Variants in PARD3B observed in about 807,000 individuals in gnomAD.
PARD3B encodes the protein par-3 family cell polarity regulator beta.
In PARD3B, 103 loss-of-function variants were observed where a neutral mutation model predicts 130.2. That is an observed-to-expected ratio of 0.79 (90% confidence interval 0.67 to 0.93). The LOEUF is 0.93. Ranked by LOEUF, PARD3B falls within the 40% of genes least tolerant of loss-of-function variation. The probability of loss-of-function intolerance (pLI) is 0.00; values close to 1 mark genes in which losing one functional copy is unlikely to be tolerated. For synonymous variants in PARD3B, 583 were observed against 553.2 expected (o/e 1.05, Z -0.76); for missense variants, 1,609 against 1,499.2 (o/e 1.07, Z -1.21).
intron 21 of PARD3B, among the ~76,000 whole-genome samples, chr2:205,506,266 G>A (rs1278810668): frequency 2.0e-5 from 3 of 152,162 alleles, no homozygotes; most frequent in Non-Finnish European, 4.4e-5. Context: ...CCGGGAGGCG[G>A]AAGTTGCAGT....
At chr2:204,883,406 T>TATATATATATAATATATATATATATAAA (rs1362093154) in intron 2 of PARD3B, among the ~76,000 whole-genome samples, 89 of 101,688 alleles carry the variant, frequency 8.8e-4, no homozygotes, top group Non-Finnish European at 1.4e-3. Context: ...ATATATATAT[T>TATATATATATAATATATATATATATAAA]ATATATATAT....
chr2:205,277,080 G>A (rs62171468), intron 16 of PARD3B, among the ~76,000 whole-genome samples: 12,608 of 152,232 alleles, frequency 0.083, 572 homozygotes, highest in South Asian at 0.12. Flanking sequence ...ATTAAGGAGA[G>A]GCAACCTTCT....
chr2:204,682,979 A>T (rs1457738600), intron 1 of PARD3B, among the ~76,000 whole-genome samples: 8 of 152,136 alleles, frequency 5.3e-5, no homozygotes, highest in Admixed American at 5.2e-4. Context: ...ATTTGGAACC[A>T]TTTTTACATT....
intron 1 of PARD3B, among the ~76,000 whole-genome samples, chr2:204,657,803 A>T (rs1267265158): frequency 1.3e-5 from 2 of 152,200 alleles, no homozygotes; most frequent in South Asian, 2.1e-4. Context: ...TCTCCATTAC[A>T]TTATTTTAAT....
chr2:204,550,787 G>A (rs570221153), intron 1 of PARD3B, among the ~76,000 whole-genome samples: 11 of 152,256 alleles, frequency 7.2e-5, no homozygotes, highest in Non-Finnish European at 4.4e-5. Context: ...CTGTGGGATC[G>A]GAATCTAAGA....
At chr2:205,032,395 A>G (rs1467608593) in intron 3 of PARD3B, among the ~76,000 whole-genome samples, 1 of 152,150 alleles carries the variant, frequency 6.6e-6, no homozygotes, top group Non-Finnish European at 1.5e-5. Flanking sequence ...CATCATGAAC[A>G]GAGTGCGACT....
At chr2:205,536,221 T>A (rs2051849772) in intron 21 of PARD3B, among the ~76,000 whole-genome samples, 1 of 151,714 alleles carries the variant, frequency 6.6e-6, no homozygotes, top group South Asian at 2.1e-4. Flanking sequence ...AGCTGAGTTG[T>A]GTGCTATTGG....
At chr2:204,975,369 G>A (rs751683172) in intron 3 of PARD3B, among the ~76,000 whole-genome samples, 6 of 152,132 alleles carry the variant, frequency 3.9e-5, no homozygotes, top group Non-Finnish European at 8.8e-5. Context: ...TACCAACAAT[G>A]TCCGCTACTC....
In PARD3B at chr2:205,147,857, C is replaced by T. The variant is rs898572227; in HGVS notation, c.1435-10865C>T. On this transcript the variant is annotated intron_variant, in intron 10 of 22. Transcript: ENST00000406610. Reference sequence around the variant, plus strand: ...GAAACTCTTCTCTTATTTATTGCAACGTTAACTTACATTTTTCCTTTCTTT... The same window carrying T: ...GAAACTCTTCTCTTATTTATTGCAATGTTAACTTACATTTTTCCTTTCTTT... Among the ~76,000 whole-genome samples, 26 of 152,172 alleles carry T rather than the reference C, an allele frequency of 1.7e-4. No individual in the cohort carries two copies. In the East Asian group the frequency reaches 2.3e-3, roughly 14 times the overall value.
chr2:204,918,503 G>A (rs1195816879), intron 2 of PARD3B, among the ~76,000 whole-genome samples: 4 of 150,796 alleles, frequency 2.7e-5, no homozygotes, highest in African/African-American at 9.7e-5. Flanking sequence ...AGTGGCGGGC[G>A]CCTGTAGTCC....
chr2:205,033,670 A>G (rs1222696850), intron 3 of PARD3B, among the ~76,000 whole-genome samples: 1 of 152,198 alleles, frequency 6.6e-6, no homozygotes, highest in Non-Finnish European at 1.5e-5. Context: ...ATTATCTTAT[A>G]TATCTTCTGC....
chr2:205,420,835 G>T (rs2046942628), intron 19 of PARD3B, among the ~76,000 whole-genome samples: 1 of 152,140 alleles, frequency 6.6e-6, no homozygotes, highest in South Asian at 2.1e-4. Flanking sequence ...TCATTTTCAA[G>T]TTTTGCCTTA....
At chr2:204,575,759 A>C (rs1574486328) in intron 1 of PARD3B, among the ~76,000 whole-genome samples, 1 of 152,130 alleles carries the variant, frequency 6.6e-6, no homozygotes, top group South Asian at 2.1e-4. Context: ...TGCTTGGTTG[A>C]TTTAACACTT....
intron 2 of PARD3B, among the ~76,000 whole-genome samples, chr2:204,730,138 A>T (rs1229972265): frequency 6.6e-6 from 1 of 151,964 alleles, no homozygotes; most frequent in Non-Finnish European, 1.5e-5. Flanking sequence ...GCAATGGCAC[A>T]ATCTTGGCTC....
At chr2:204,736,252 T>C (rs949454852) in intron 2 of PARD3B, among the ~76,000 whole-genome samples, 1 of 152,122 alleles carries the variant, frequency 6.6e-6, no homozygotes, top group African/African-American at 2.4e-5. Flanking sequence ...AAAACAAAGA[T>C]GTAAAACGTT....
chr2:205,032,711 G>A (rs1697511925), intron 3 of PARD3B, among the ~76,000 whole-genome samples: 1 of 152,168 alleles, frequency 6.6e-6, no homozygotes, highest in Non-Finnish European at 1.5e-5. Flanking sequence ...ACAGAAAACA[G>A]CATTTGAGGC....
At chr2:204,998,358 A>ACATATATATATATATATATATATG (rs1694463623) in intron 3 of PARD3B, among the ~76,000 whole-genome samples, 10 of 69,830 alleles carry the variant, frequency 1.4e-4, no homozygotes, top group Non-Finnish European at 2.1e-4. Flanking sequence ...ATATATATAT[A>ACATATATATATATATATATATATG]TGTGTGTGTG....
intron 2 of PARD3B, among the ~76,000 whole-genome samples, chr2:204,751,749 T>G (rs1211649943): frequency 6.6e-6 from 1 of 152,210 alleles, no homozygotes; most frequent in Non-Finnish European, 1.5e-5. Context: ...AGAGAAACTG[T>G]CATGGATGTA....
intron 2 of PARD3B, among the ~76,000 whole-genome samples, chr2:204,755,187 C>T (rs1467088760): frequency 6.6e-6 from 1 of 152,028 alleles, no homozygotes; most frequent in Non-Finnish European, 1.5e-5. Context: ...AAGGACTCTG[C>T]TAGTGCCATA....
Sources: gnomAD v4.1 joint callset for allele counts (sites outside exome capture counted in the v4.1 genomes callset) on GRCh38, gnomAD v4.1.1 for gene constraint, MANE v1.5 for transcripts, NCBI Gene and HGNC (gene_info 2026-07-23, HGNC 2026-07-21) for gene names.